Variants in SLC8A1 observed in about 807,000 individuals in gnomAD.
The protein encoded by SLC8A1 is sodium/calcium exchanger 1.
A neutral mutation model predicts 68.3 loss-of-function variants in SLC8A1; 18 were observed. That is an observed-to-expected ratio of 0.26 (90% CI 0.18 to 0.39). SLC8A1 has a LOEUF of 0.39. Among genes scored for constraint, SLC8A1 ranks in the 10% least tolerant of loss-of-function variants. SLC8A1 has a pLI of 1.00. For synonymous variants in SLC8A1, 475 were observed against 415.5 expected, an observed-to-expected ratio of 1.14 and a Z score of -1.74; for missense variants, 985 against 1,156.7, an observed-to-expected ratio of 0.85 and a Z score of 2.15.
intron 2 of SLC8A1, among the ~76,000 whole-genome samples, chr2:40,297,298 G>T (rs1321914395): frequency 6.6e-6 from 1 of 152,126 alleles, no homozygotes; most frequent in Non-Finnish European, 1.5e-5. Flanking sequence ...TGAAAAAGTT[G>T]TTTTGTAGTC....
chr2:40,236,977 G>A (rs1187303149), intron 2 of SLC8A1, among the ~76,000 whole-genome samples: 2 of 152,104 alleles, frequency 1.3e-5, no homozygotes, highest in Admixed American at 1.3e-4. Flanking sequence ...TCCGCTGTTA[G>A]TCTGATGGGC....
At chr2:40,478,677 T>C (rs549497799) in intron 1 of SLC8A1, among the ~76,000 whole-genome samples, 5 of 152,248 alleles carry the variant, frequency 3.3e-5, no homozygotes, top group African/African-American at 1.2e-4. Context: ...AGACCTAAGT[T>C]TTTAATTTGA....
At chr2:40,300,039 CTG>C (rs1445575367) in intron 2 of SLC8A1, among the ~76,000 whole-genome samples, 1 of 152,176 alleles carries the variant, frequency 6.6e-6, no homozygotes, top group Non-Finnish European at 1.5e-5. Context: ...CAGGCTATCA[CTG>C]TCCTCAAAGT....
At chr2:40,120,289 C>T (rs2036485751) in intron 7 of SLC8A1, among the ~76,000 whole-genome samples, 1 of 152,146 alleles carries the variant, frequency 6.6e-6, no homozygotes, top group African/African-American at 2.4e-5. Flanking sequence ...AATTGGAGTC[C>T]ATCCTGGCTA....
chr2:40,125,486 A>G (rs895598103), intron 7 of SLC8A1, among the ~76,000 whole-genome samples: 1 of 152,042 alleles, frequency 6.6e-6, no homozygotes, highest in African/African-American at 2.4e-5. Flanking sequence ...TCCCCCACCT[A>G]CTCGTGTTAA....
chr2:40,306,559 G>A lies in SLC8A1; in HGVS notation c.1808+121914C>T, dbSNP rs534597478. On this transcript the variant is annotated intron_variant, in intron 2 of 7. Transcript: ENST00000406785. The stretch of plus-strand genomic sequence containing the variant: ...TAAATGGAATCCAAAATAGGCCAAT[G>A]GGAAACATTCTTGGAAATATATACC... Among the ~76,000 whole-genome samples, 6 of 152,226 alleles carry A rather than the reference G, an allele frequency of 3.9e-5. No individual in the cohort carries two copies. The South Asian group carries it at 1.2e-3, about 32-fold the overall frequency.
Position 40,318,833 on chromosome 2 carries a change from C to T in SLC8A1, c.1808+109640G>A, listed in dbSNP as rs117164909. Among the ~76,000 whole-genome samples the T allele has an allele frequency of 2.6e-4, 39 of 152,222 alleles. No homozygotes were observed. In the East Asian group the frequency reaches 5.8e-3, roughly 23 times the overall value. ...TATATCAAGTGCCTACTGTGTGCAA[C>T]GCTTAGGAAAGTTATTCTCTGGAAG... On this transcript the variant is annotated intron_variant, in intron 2 of 7. Transcript: ENST00000406785.
chr2:40,103,801 T>C (rs2034039731), exon 8 of SLC8A1: 1 of 152,232 alleles, frequency 6.6e-6, no homozygotes, highest in South Asian at 2.1e-4. Flanking sequence ...CATGGAATTA[T>C]TTCAAAATAA....
intron 7 of SLC8A1, among the ~76,000 whole-genome samples, chr2:40,136,932 T>C (rs2040607527): frequency 6.6e-6 from 1 of 152,210 alleles, no homozygotes; most frequent in Non-Finnish European, 1.5e-5. Context: ...TGGAATTCTC[T>C]CAATAACAGC....
At chr2:40,230,776 T>G (rs1221934443) in intron 2 of SLC8A1, among the ~76,000 whole-genome samples, 3 of 152,202 alleles carry the variant, frequency 2.0e-5, no homozygotes, top group African/African-American at 7.2e-5. Context: ...AAATGTACTT[T>G]CATAAACAGA....
intron 1 of SLC8A1, among the ~76,000 whole-genome samples, chr2:40,444,515 A>G (rs1489296639): frequency 6.6e-6 from 1 of 152,082 alleles, no homozygotes; most frequent in Non-Finnish European, 1.5e-5. Flanking sequence ...ACACTACACC[A>G]ACACCAATTG....
intron 2 of SLC8A1, among the ~76,000 whole-genome samples, chr2:40,381,421 T>C (rs1575883176): frequency 6.6e-6 from 1 of 152,130 alleles, no homozygotes. Context: ...ACTTCACAAC[T>C]CCTTTCTCTT....
chr2:40,412,726 G>A (rs552503039), intron 2 of SLC8A1, among the ~76,000 whole-genome samples: 1 of 152,276 alleles, frequency 6.6e-6, no homozygotes, highest in East Asian at 1.9e-4. Context: ...GCAAAGGCAT[G>A]AGTCAGTCAT....
chr2:40,435,274 G>T (rs760054507), intron 1 of SLC8A1, among the ~76,000 whole-genome samples: 9 of 152,120 alleles, frequency 5.9e-5, no homozygotes, highest in Non-Finnish European at 1.2e-4. Flanking sequence ...CCACTACCAA[G>T]GCAAGCACTT....
At chr2:40,339,976 T>G (rs768661743) in intron 2 of SLC8A1, among the ~76,000 whole-genome samples, 10 of 152,224 alleles carry the variant, frequency 6.6e-5, no homozygotes, top group Non-Finnish European at 1.3e-4. Context: ...GCATGACTTT[T>G]CAGAGCTTTT....
chr2:40,428,426 CACA>C, intron 2 of SLC8A1, 44 bp downstream of exon 2: 1 of 49,348 alleles, frequency 2.0e-5, no homozygotes, highest in South Asian at 1.4e-4. Flanking sequence ...CACTGAACCA[CACA>C]CACACACACA....
exon 8 of SLC8A1, chr2:40,103,641 G>C (rs2034030492): frequency 6.6e-6 from 1 of 152,062 alleles, no homozygotes; most frequent in Non-Finnish European, 1.5e-5. Context: ...TGAACTTAAA[G>C]TTTTCATTTA....
At chr2:40,189,912 A>G (rs915326322) in intron 2 of SLC8A1, 14 of 152,064 alleles carry the variant, frequency 9.2e-5, no homozygotes, top group African/African-American at 7.2e-5. Flanking sequence ...TTCTCTTTCT[A>G]TTGGCTTGTA....
chr2:40,260,349 G>A (rs545333572), intron 2 of SLC8A1, among the ~76,000 whole-genome samples: 1 of 152,268 alleles, frequency 6.6e-6, no homozygotes, highest in African/African-American at 2.4e-5. Flanking sequence ...ATAGAAGATA[G>A]GTCTGTGGTC....
Sources: gnomAD v4.1 joint callset for allele counts (sites outside exome capture counted in the v4.1 genomes callset) on GRCh38, gnomAD v4.1.1 for gene constraint, MANE v1.5 for transcripts, NCBI Gene and HGNC (gene_info 2026-07-23, HGNC 2026-07-21) for gene names.